Variants in SGCZ observed in about 807,000 individuals in gnomAD.
SGCZ encodes sarcoglycan zeta.
SGCZ carries 40 observed loss-of-function variants against 41.3 expected under a neutral mutation model. The ratio of observed to expected loss-of-function variants is 0.97; its 90% CI spans 0.75 to 1.26. SGCZ has a LOEUF of 1.26. Among genes scored for constraint, SGCZ ranks in the 50% most tolerant of loss-of-function variants. SGCZ has a pLI of 0.00. For synonymous variants in SGCZ, 206 were observed against 137.5 expected (o/e 1.50, Z -3.49); for missense variants, 552 against 369.8 (o/e 1.49, Z -4.04).
At chr8:14,842,011 T>C (rs1802933717) in intron 1 of SGCZ, among the ~76,000 whole-genome samples, 1 of 152,210 alleles carries the variant, frequency 6.6e-6, no homozygotes, top group Non-Finnish European at 1.5e-5. Context: ...GACTTCATTT[T>C]TATTCATTTA....
At chr8:14,347,786 C>A (rs1454009728) in intron 2 of SGCZ, among the ~76,000 whole-genome samples, 1 of 152,018 alleles carries the variant, frequency 6.6e-6, no homozygotes, top group East Asian at 1.9e-4. Context: ...TTTCTATTTA[C>A]ACTGTCTGTG....
At chr8:14,562,494 T>C (rs752815294) in intron 1 of SGCZ, among the ~76,000 whole-genome samples, 1 of 152,084 alleles carries the variant, frequency 6.6e-6, no homozygotes, top group Non-Finnish European at 1.5e-5. Context: ...GTGATAGATA[T>C]TACAAATATA....
chr8:14,150,404 G>A (rs1476594543), intron 5 of SGCZ, among the ~76,000 whole-genome samples: 1 of 151,976 alleles, frequency 6.6e-6, no homozygotes, highest in Non-Finnish European at 1.5e-5. Flanking sequence ...ACACACACAT[G>A]GCAAACAGGC....
At chr8:15,115,832 C>T (rs1262032867) in intron 1 of SGCZ, among the ~76,000 whole-genome samples, 1 of 152,216 alleles carries the variant, frequency 6.6e-6, no homozygotes, top group African/African-American at 2.4e-5. Flanking sequence ...TGCTGTAAAG[C>T]AGTCATATTC....
At chr8:14,392,710 G>T (rs555161081) in intron 2 of SGCZ, among the ~76,000 whole-genome samples, 1 of 151,956 alleles carries the variant, frequency 6.6e-6, no homozygotes, top group Non-Finnish European at 1.5e-5. Flanking sequence ...ATTATTTTTG[G>T]ACTTAGCAAA....
intron 2 of SGCZ, among the ~76,000 whole-genome samples, chr8:14,462,446 C>G (rs1800929007): frequency 6.6e-6 from 1 of 151,980 alleles, no homozygotes; most frequent in Non-Finnish European, 1.5e-5. Flanking sequence ...TCGTTTGTCT[C>G]TATAAGTCTT....
chr8:15,043,315 T>G (rs1347066140), intron 1 of SGCZ, among the ~76,000 whole-genome samples: 1 of 152,178 alleles, frequency 6.6e-6, no homozygotes, highest in Non-Finnish European at 1.5e-5. Flanking sequence ...TGGATAAACT[T>G]TCTCGGTCGT....
At position 14,737,958 on chromosome 8, in the gene SGCZ, A is replaced by G. The variant is rs1308189875; in HGVS notation, c.40-183032T>C. On this transcript the variant is annotated intron_variant, in intron 1 of 7. Coordinates refer to ENST00000382080, the MANE Select transcript of SGCZ (RefSeq NM_139167.4). ...AAGCCAACCTCTTAGATATAGTTTC[A>G]TACATACTTTACAGATGAAGAAAGT... Among the ~76,000 whole-genome samples, 3 of 152,248 alleles carry G rather than the reference A, an allele frequency of 2.0e-5. No homozygotes were observed. In the East Asian group the frequency reaches 5.8e-4, roughly 29 times the overall value.
rs1317095282 is a variant in SGCZ at position 14,724,484 on chromosome 8, A to G, written c.40-169558T>C. On this transcript the variant is annotated intron_variant, in intron 1 of 7. Transcript: ENST00000382080. ...ATTAACTTCAAATATTTTTAATAAAATGAAGCATAAAATAGACATGAAATT... is the reference window on the plus strand; with the variant it reads ...ATTAACTTCAAATATTTTTAATAAAGTGAAGCATAAAATAGACATGAAATT... Among the ~76,000 whole-genome samples the G allele has an allele frequency of 5.9e-5, 9 of 152,010 alleles. No homozygotes were observed. In the East Asian group the frequency reaches 1.4e-3, roughly 23 times the overall value.
intron 1 of SGCZ, among the ~76,000 whole-genome samples, chr8:14,779,752 G>T (rs1306655807): frequency 6.6e-6 from 1 of 152,030 alleles, no homozygotes; most frequent in Non-Finnish European, 1.5e-5. Flanking sequence ...GAAGCAAAAG[G>T]GATTCAACAG....
chr8:14,586,908 G>T (rs935677897), intron 1 of SGCZ, among the ~76,000 whole-genome samples: 3 of 152,022 alleles, frequency 2.0e-5, no homozygotes, highest in South Asian at 4.2e-4. Context: ...TCGTAGTGGT[G>T]ATTACCTAGT....
intron 2 of SGCZ, among the ~76,000 whole-genome samples, chr8:14,386,449 T>C (rs945930390): frequency 7.9e-5 from 12 of 152,156 alleles, no homozygotes; most frequent in African/African-American, 2.9e-4. Context: ...GCTGCAACAG[T>C]TGTATATTTG....
intron 1 of SGCZ, among the ~76,000 whole-genome samples, chr8:15,143,602 G>T (rs1798959467): frequency 6.6e-6 from 1 of 152,038 alleles, no homozygotes; most frequent in Non-Finnish European, 1.5e-5. Flanking sequence ...AAAACACATG[G>T]GTTTAACCCA....
intron 5 of SGCZ, among the ~76,000 whole-genome samples, chr8:14,150,408 A>T (rs1803663687): frequency 6.6e-6 from 1 of 152,210 alleles, no homozygotes; most frequent in South Asian, 2.1e-4. Context: ...ACACATGGCA[A>T]ACAGGCATAC....
intron 4 of SGCZ, among the ~76,000 whole-genome samples, chr8:14,168,857 C>G (rs926987717): frequency 6.6e-6 from 1 of 152,134 alleles, no homozygotes. Context: ...AACAAAACTT[C>G]AAGTTAACCA....
chr8:14,334,522 A>G (rs1362355039), intron 2 of SGCZ, among the ~76,000 whole-genome samples: 1 of 152,132 alleles, frequency 6.6e-6, no homozygotes. Flanking sequence ...TGTAATCCCA[A>G]TATAGCTTCC....
intron 2 of SGCZ, among the ~76,000 whole-genome samples, chr8:14,547,585 A>G (rs1803669772): frequency 6.6e-6 from 1 of 152,166 alleles, no homozygotes; most frequent in South Asian, 2.1e-4. Context: ...CTTGTACTTT[A>G]CTGGCATTAA....
At chr8:14,187,517 A>G (rs1429792925) in intron 4 of SGCZ, among the ~76,000 whole-genome samples, 5 of 152,324 alleles carry the variant, frequency 3.3e-5, no homozygotes, top group Middle Eastern at 3.4e-3. Context: ...ATCAACAAAG[A>G]TATAGGAATT....
At chr8:15,086,582 A>G (rs1007836621) in intron 1 of SGCZ, among the ~76,000 whole-genome samples, 3 of 152,176 alleles carry the variant, frequency 2.0e-5, no homozygotes, top group Non-Finnish European at 4.4e-5. Context: ...TGATCATTTC[A>G]CAATGTGTAC....
Sources: gnomAD v4.1 joint callset for allele counts (sites outside exome capture counted in the v4.1 genomes callset) on GRCh38, gnomAD v4.1.1 for gene constraint, MANE v1.5 for transcripts, NCBI Gene and HGNC (gene_info 2026-07-23, HGNC 2026-07-21) for gene names.